RFTN1: variants seen among roughly 807,000 people sequenced by gnomAD.
RFTN1 encodes raftlin, lipid raft linker 1.
RFTN1 carries 26 observed loss-of-function variants against 46.5 expected under a neutral mutation model. The ratio of observed to expected loss-of-function variants is 0.56; its 90% confidence interval spans 0.41 to 0.78. The LOEUF (loss-of-function observed/expected upper bound fraction) is 0.78, where lower values mean the gene tolerates loss of function less well. Among genes scored for constraint, RFTN1 ranks in the 30% least tolerant of loss-of-function variants. RFTN1 has a pLI of 0.00. For synonymous variants in RFTN1, 261 were observed against 284.2 expected, an observed-to-expected ratio of 0.92 and a Z score of 0.82; for missense variants, 693 against 718.7, an observed-to-expected ratio of 0.96 and a Z score of 0.41.
In RFTN1 at chr3:16,321,271, C is replaced by T. The variant is rs2069023190; in HGVS notation, c.1332+2105G>A. 6.6e-6 allele frequency among the ~76,000 whole-genome samples: 1 copy of T among 152,040 alleles called. No homozygotes were observed. The highest frequency in any genetic ancestry group is 2.4e-5 in the African/African-American group (1 of 41,382). ...AATGCAGGCGGAATGGTCATTGGCA[C>T]AGAGGTGGTGAAGGAGATTTTCTAA... On this transcript the variant is annotated intron_variant, in intron 9 of 9. Coordinates refer to ENST00000334133, the MANE Select transcript of RFTN1 (RefSeq NM_015150.2). The surrounding 1 kb of genome is among the most constrained non-coding windows in gnomAD (Gnocchi z 4.8).
rs1403469737 is a variant in RFTN1 at position 16,451,280 on chromosome 3, T to C, written c.146-17243A>G. On this transcript the variant is annotated intron_variant, in intron 2 of 9. Transcript: ENST00000334133. This position sits in a 1 kb window ranked among gnomAD's most constrained non-coding sequence, Gnocchi z 4.2. ...ACGGAACAGCAGAACGTCTCATCAG[T>C]GACCTCCTCTTACCCACCACGTCAG... 6.6e-6 allele frequency among the ~76,000 whole-genome samples: 1 copy of C among 152,178 alleles called. No individual in the cohort carries two copies. Among genetic ancestry groups the C allele is most frequent in the Admixed American group, 6.5e-5 (1 of 15,280 alleles).
At chr3:16,373,826 A>T (rs571438704) in intron 5 of RFTN1, among the ~76,000 whole-genome samples, 1 of 152,330 alleles carries the variant, frequency 6.6e-6, no homozygotes, top group East Asian at 1.9e-4. Flanking sequence ...GGAACTAAGC[A>T]GAAAGGTTTG....
rs1453982415 is a variant in RFTN1 at position 16,380,881 on chromosome 3, G to A, written c.442-2779C>T. Reference sequence around the variant, plus strand: ...GAATGAATGAATATATTAAATAATGGATGAATATGTATGCCTTCTCTCCCG... The same window carrying A: ...GAATGAATGAATATATTAAATAATGAATGAATATGTATGCCTTCTCTCCCG... On this transcript the variant is annotated intron_variant, in intron 4 of 9. Coordinates refer to ENST00000334133, the MANE Select transcript of RFTN1 (RefSeq NM_015150.2). This position sits in a 1 kb window ranked among gnomAD's most constrained non-coding sequence, Gnocchi z 4.8. 1.3e-5 allele frequency among the ~76,000 whole-genome samples: 2 copies of A among 152,184 alleles called. No individual in the cohort carries two copies. The highest frequency in any genetic ancestry group is 2.9e-5 in the Non-Finnish European group (2 of 68,034).
At position 16,458,462 on chromosome 3, in the gene RFTN1, C is replaced by G. The variant is rs1003252864; in HGVS notation, c.146-24425G>C. Among the ~76,000 whole-genome samples the G allele has an allele frequency of 6.6e-6, 1 of 152,202 alleles. No homozygotes were observed. The highest frequency in any genetic ancestry group is 1.5e-5 in the Non-Finnish European group (1 of 68,034). ...TTCCCTCCTCATGATGTGAATTTTT[C>G]CTTTCACTTGTCATTAATTCTGTTC... On this transcript the variant is annotated intron_variant, in intron 2 of 9. Coordinates refer to ENST00000334133, the MANE Select transcript of RFTN1 (RefSeq NM_015150.2). The surrounding 1 kb of genome is among the most constrained non-coding windows in gnomAD (Gnocchi z 5.1).
rs757169463 is a variant in RFTN1 at position 16,334,227 on chromosome 3, A to G, written c.1147-7351T>C. ...ACCCTGAGATACTATTTTTTCACCT[A>G]TTGAACTGGTAAAAACCCAAAAGTT... is the stretch of plus-strand genomic sequence containing the variant. On this transcript the variant is annotated intron_variant, in intron 7 of 9. Transcript: ENST00000334133. This position sits in a 1 kb window ranked among gnomAD's most constrained non-coding sequence, Gnocchi z 4.3. Among the ~76,000 whole-genome samples, 1 of 152,120 alleles carries G rather than the reference A, an allele frequency of 6.6e-6. No individual in the cohort carries two copies. The highest frequency in any genetic ancestry group is 1.5e-5 in the Non-Finnish European group (1 of 68,000).
chr3:16,433,980 T>C lies in RFTN1; in HGVS notation c.203A>G (p.Gln68Arg), dbSNP rs761254385. The change falls in exon 3 of 10, where the codon CAG becomes CGG. Residue 68 changes from glutamine (Q) to arginine (R), a missense_variant. Gln to Arg is a conservative substitution (Grantham distance 43). Transcript: ENST00000334133. The surrounding 1 kb of genome is among the most constrained non-coding windows in gnomAD (Gnocchi z 4.4). ...RLASLRDLPA[Q>R]LLELYQQGFS... is the part of the protein sequence containing the mutation. The stretch of plus-strand genomic sequence containing the variant: ...GCCCTGCTGGTACAGCTCCAGGAGC[T>C]GGGCGGGCAGGTCACGCAGGGAGGC... The C allele has an allele frequency of 6.2e-7, 1 of 1,613,662 alleles. No individual in the cohort carries two copies. Among genetic ancestry groups the C allele is most frequent in the South Asian group, 1.1e-5 (1 of 91,040 alleles).
Position 16,457,455 on chromosome 3 carries a change from C to T in RFTN1, c.146-23418G>A, listed in dbSNP as rs1165707114. ...GTTACATTTCTAGAACATAGTAGTACTCAATAAATGCCGGTTATCATTATA... is the reference window on the plus strand; with the variant it reads ...GTTACATTTCTAGAACATAGTAGTATTCAATAAATGCCGGTTATCATTATA... On this transcript the variant is annotated intron_variant, in intron 2 of 9. Coordinates refer to ENST00000334133, the MANE Select transcript of RFTN1 (RefSeq NM_015150.2). The surrounding 1 kb of genome is among the most constrained non-coding windows in gnomAD (Gnocchi z 4.2). 6.6e-6 allele frequency among the ~76,000 whole-genome samples: 1 copy of T among 152,156 alleles called. No individual in the cohort carries two copies. The highest frequency in any genetic ancestry group is 2.4e-5 in the African/African-American group (1 of 41,428).
intron 2 of RFTN1, among the ~76,000 whole-genome samples, chr3:16,461,830 A>G (rs2076012247): frequency 6.6e-6 from 1 of 152,226 alleles, no homozygotes; most frequent in Non-Finnish European, 1.5e-5. Flanking sequence ...ATCAAAATGC[A>G]CAACAGCAAA....
chr3:16,359,032 C>CAAA (rs771185605), intron 6 of RFTN1, among the ~76,000 whole-genome samples: 25,046 of 87,512 alleles, frequency 0.29, 2,754 homozygotes, highest in Non-Finnish European at 0.34. Context: ...ATTCTGTCTC[C>CAAA]AAAAAAAAAA....
rs940173607 is a variant in RFTN1, at chr3:16,329,832, C to T, written c.1147-2956G>A. The stretch of plus-strand genomic sequence containing the variant: ...CCATGGCAACCAGGACAAGCTTTGG[C>T]GCCTCACAAAGCCCTGAGTGGCAGA... On this transcript the variant is annotated intron_variant, in intron 7 of 9. Coordinates refer to ENST00000334133, the MANE Select transcript of RFTN1 (RefSeq NM_015150.2). This position sits in a 1 kb window ranked among gnomAD's most constrained non-coding sequence, Gnocchi z 4.5. 1.3e-5 allele frequency among the ~76,000 whole-genome samples: 2 copies of T among 152,126 alleles called. No homozygotes were observed. The highest frequency in any genetic ancestry group is 2.9e-5 in the Non-Finnish European group (2 of 68,030).
At chr3:16,354,065 T>G (rs2072266116) in intron 7 of RFTN1, among the ~76,000 whole-genome samples, 2 of 152,232 alleles carry the variant, frequency 1.3e-5, no homozygotes, top group Non-Finnish European at 2.9e-5. Flanking sequence ...TAGTCTACCT[T>G]GGGCTGAACC....
intron 4 of RFTN1, among the ~76,000 whole-genome samples, chr3:16,379,512 G>T (rs1360983926): frequency 6.6e-6 from 1 of 152,198 alleles, no homozygotes; most frequent in Non-Finnish European, 1.5e-5. Flanking sequence ...GGAGCCCAGA[G>T]ACATTAAAGT....
At chr3:16,409,095 A>G (rs2074927060) in intron 4 of RFTN1, among the ~76,000 whole-genome samples, 1 of 152,184 alleles carries the variant, frequency 6.6e-6, no homozygotes, top group African/African-American at 2.4e-5. Flanking sequence ...GTTTGAAAGG[A>G]GTCCCGGCGC....
rs576417555 is a variant in RFTN1 at position 16,449,861 on chromosome 3, C to T, written c.146-15824G>A. ...GGAAAGGGATGTGAGGAGGAAGGGG[C>T]AGGGCGTGTCTGCAATGGAACTGCA... On this transcript the variant is annotated intron_variant, in intron 2 of 9. Coordinates refer to ENST00000334133, the MANE Select transcript of RFTN1 (RefSeq NM_015150.2). The surrounding 1 kb of genome is among the most constrained non-coding windows in gnomAD (Gnocchi z 5.1). Among the ~76,000 whole-genome samples the T allele has an allele frequency of 2.6e-4, 40 of 152,158 alleles. 1 individual carries two copies. Among genetic ancestry groups the T allele is most frequent in the South Asian group, 1.2e-3 (6 of 4,818 alleles).
chr3:16,472,202 G>C (rs1442905003), intron 2 of RFTN1: 1 of 151,692 alleles, frequency 6.6e-6, no homozygotes, highest in East Asian at 1.9e-4. Context: ...TGTTATACCT[G>C]TTTGTGAAAC....
chr3:16,341,639 G>A lies in RFTN1; in HGVS notation c.1147-14763C>T, dbSNP rs1234605657. 4.6e-5 allele frequency among the ~76,000 whole-genome samples: 7 copies of A among 152,090 alleles called. No homozygotes were observed. Among genetic ancestry groups the A allele is most frequent in the Admixed American group, 2.6e-4 (4 of 15,264 alleles). ...ATAAAGTTTATTTTTCTAAAAAAAA[G>A]TAAGGACCTTGAATCAAAACTGACA... is the stretch of plus-strand genomic sequence containing the variant. On this transcript the variant is annotated intron_variant, in intron 7 of 9. Coordinates refer to ENST00000334133, the MANE Select transcript of RFTN1 (RefSeq NM_015150.2). The surrounding 1 kb of genome is among the most constrained non-coding windows in gnomAD (Gnocchi z 4.7).
At chr3:16,441,713 A>T (rs1447034257) in intron 2 of RFTN1, among the ~76,000 whole-genome samples, 1 of 152,242 alleles carries the variant, frequency 6.6e-6, no homozygotes, top group Non-Finnish European at 1.5e-5. Flanking sequence ...TTCTAATTAC[A>T]TCCGCTAATG....
At chr3:16,368,260 G>A (rs1365502794) in intron 6 of RFTN1, among the ~76,000 whole-genome samples, 6 of 152,216 alleles carry the variant, frequency 3.9e-5, no homozygotes, top group South Asian at 4.1e-4. Context: ...ACCAGACCGT[G>A]ACAACCCCTG....
intron 7 of RFTN1, among the ~76,000 whole-genome samples, chr3:16,333,836 A>C (rs1399567153): frequency 6.6e-6 from 1 of 152,230 alleles, no homozygotes; most frequent in Admixed American, 6.5e-5. Flanking sequence ...CACTAAGTGC[A>C]TGAGAGAAAT....
Sources: gnomAD v4.1 joint callset for allele counts (sites outside exome capture counted in the v4.1 genomes callset) on GRCh38, gnomAD v4.1.1 for gene constraint, Gnocchi (gnomAD v3.1) non-coding constraint, MANE v1.5 for transcripts, NCBI Gene and HGNC (gene_info 2026-07-23, HGNC 2026-07-21) for gene names.